LOC400499: variants seen among roughly 807,000 people sequenced by gnomAD.
the LOC400499 span, chr16:11,446,471 T>A: frequency 7.5e-7 from 1 of 1,337,468 alleles, no homozygotes; most frequent in Non-Finnish European, 1.0e-6. Flanking sequence ...ATAACATGTT[T>A]TCAATCCTAT....
At chr16:11,517,385 A>G in the LOC400499 span, among the ~76,000 whole-genome samples, 1 of 152,204 alleles carries the variant, frequency 6.6e-6, no homozygotes, top group African/African-American at 2.4e-5. Flanking sequence ...ATGTCAGTTT[A>G]TTTCTAGACA....
At chr16:11,403,120 C>G in the LOC400499 span, among the ~76,000 whole-genome samples, 3 of 152,186 alleles carry the variant, frequency 2.0e-5, no homozygotes, top group Admixed American at 2.0e-4. Context: ...CCCTGAGCAG[C>G]CCTGCTTTCC....
At chr16:11,468,100 AC>A in the LOC400499 span, among the ~76,000 whole-genome samples, 2 of 147,562 alleles carry the variant, frequency 1.4e-5, no homozygotes, top group African/African-American at 5.0e-5. Context: ...GAAAAAAAAA[AC>A]AAAAAACAAA....
At chr16:11,442,796 A>T in the LOC400499 span, among the ~76,000 whole-genome samples, 1 of 152,150 alleles carries the variant, frequency 6.6e-6, no homozygotes, top group Admixed American at 6.5e-5. Context: ...CCGGCTCTGC[A>T]ATCTCTGGTT....
chr16:11,496,955 G>C, the LOC400499 span, among the ~76,000 whole-genome samples: 3 of 151,758 alleles, frequency 2.0e-5, no homozygotes, highest in East Asian at 5.8e-4. Context: ...TATGGTGTGG[G>C]TGTGTGTCCG....
At chr16:11,403,897 C>G in the LOC400499 span, among the ~76,000 whole-genome samples, 11 of 152,190 alleles carry the variant, frequency 7.2e-5, no homozygotes, top group Admixed American at 2.0e-4. Flanking sequence ...CGGCTGCACT[C>G]AGGATAAGCC....
the LOC400499 span, among the ~76,000 whole-genome samples, chr16:11,463,317 TCA>T: frequency 1.5e-5 from 2 of 130,026 alleles, no homozygotes; most frequent in Non-Finnish European, 3.1e-5. Flanking sequence ...AAAACAAGAC[TCA>T]CTATTACCAC....
the LOC400499 span, chr16:11,472,002 T>G: frequency 2.5e-6 from 1 of 394,516 alleles, no homozygotes; most frequent in Non-Finnish European, 4.5e-6. Flanking sequence ...GCCTCAGCAC[T>G]GCTGACATTT....
chr16:11,510,208 C>G, the LOC400499 span, among the ~76,000 whole-genome samples: 3 of 138,840 alleles, frequency 2.2e-5, no homozygotes, highest in African/African-American at 4.9e-5. Flanking sequence ...AGCTTCAATG[C>G]TCCTTAGCAA....
At chr16:11,486,237 G>T in the LOC400499 span, among the ~76,000 whole-genome samples, 1 of 136,986 alleles carries the variant, frequency 7.3e-6, no homozygotes, top group Non-Finnish European at 1.5e-5. Flanking sequence ...TGTGTGGTTT[G>T]GTAAATGGAT....
chr16:11,407,987 T>TG, the LOC400499 span, among the ~76,000 whole-genome samples: 49 of 143,222 alleles, frequency 3.4e-4, 2 homozygotes, highest in East Asian at 9.7e-3. Context: ...TTTTTTTTTT[T>TG]TTTTTTTTTT....
the LOC400499 span, among the ~76,000 whole-genome samples, chr16:11,489,415 T>G: frequency 1.3e-5 from 2 of 152,156 alleles, no homozygotes; most frequent in Non-Finnish European, 2.9e-5. Context: ...ACTAAGCACA[T>G]TTCAGCATCA....
the LOC400499 span, among the ~76,000 whole-genome samples, chr16:11,458,213 G>A: frequency 2.4e-3 from 364 of 152,346 alleles, 2 homozygotes; most frequent in African/African-American, 8.4e-3. Context: ...GGGCGTGGTC[G>A]TGGGCGCCTG....
At chr16:11,379,646 C>G in the LOC400499 span, among the ~76,000 whole-genome samples, 97 of 152,372 alleles carry the variant, frequency 6.4e-4, 1 homozygote, top group Middle Eastern at 3.4e-3. Flanking sequence ...TGGGGAGACT[C>G]CAGCACATTA....
chr16:11,486,286 GATGGATGGATGA>G, the LOC400499 span, among the ~76,000 whole-genome samples: 18,769 of 126,884 alleles, frequency 0.15, 3,957 homozygotes, highest in Admixed American at 0.22. Context: ...TGGATGGATG[GATGGATGGATGA>G]ATGGTACATG....
chr16:11,401,616 G>A, the LOC400499 span, among the ~76,000 whole-genome samples: 3 of 152,352 alleles, frequency 2.0e-5, no homozygotes, highest in Non-Finnish European at 2.9e-5. Context: ...CAGATGGAGC[G>A]AACACAGGAC....
chr16:11,447,496 A>T, the LOC400499 span, among the ~76,000 whole-genome samples: 7 of 152,296 alleles, frequency 4.6e-5, no homozygotes, highest in Admixed American at 3.3e-4. Context: ...ACACTCTGCC[A>T]ACGATGCTGC....
At chr16:11,404,716 G>C in the LOC400499 span, 1 of 399,050 alleles carries the variant, frequency 2.5e-6, no homozygotes, top group Non-Finnish European at 4.4e-6. Flanking sequence ...TGCAGGCTGA[G>C]GTTCCTGGTG....
the LOC400499 span, among the ~76,000 whole-genome samples, chr16:11,377,716 G>C: frequency 6.6e-6 from 1 of 152,088 alleles, no homozygotes; most frequent in Admixed American, 6.6e-5. Flanking sequence ...TTAGTATTTT[G>C]TTGAGAACTT....
Sources: allele counts gnomAD v4.1 joint callset (sites outside exome capture counted in the v4.1 genomes callset), GRCh38; gene constraint gnomAD v4.1.1; transcripts MANE v1.5.